Variants in SKP2 observed in about 807,000 individuals in gnomAD.
The protein encoded by SKP2 is S-phase kinase-associated protein 2.
SKP2 carries 16 observed loss-of-function variants against 51.8 expected under a neutral mutation model. The observed-to-expected ratio is 0.31, with a 90% CI of 0.21 to 0.47. SKP2 has a LOEUF of 0.47. SKP2 is among the 20% of genes least tolerant of loss of function. SKP2 has a pLI of 1.00. For synonymous variants in SKP2, 176 were observed against 198.6 expected, an observed-to-expected ratio of 0.89 and a Z score of 0.96; for missense variants, 377 against 505.3, an observed-to-expected ratio of 0.75 and a Z score of 2.43.
intron 1 of SKP2, 39 bp downstream of exon 1, chr5:36,152,309 CCCTCTTAATAATTCTTTTAGG>C: frequency 6.3e-7 from 1 of 1,592,746 alleles, no homozygotes; most frequent in Non-Finnish European, 8.6e-7. Flanking sequence ...ATGAAATGGA[CCCTCTTAATAATTCTTTTAGG>C]CCGCGAATAT....
rs1306380778 is a variant in SKP2, at chr5:36,193,385, A to C, written c.707+690A>C. 3 of 147,996 alleles carry C rather than the reference A, an allele frequency of 2.0e-5. No homozygotes were observed. The East Asian group carries it at 6.0e-4, about 30-fold the overall frequency. The allele number at this position is 147,996 out of a possible 1,614,324, so 9.2% of individuals were successfully genotyped here. On this transcript the variant is annotated intron_variant, in intron 7 of 7. Coordinates refer to the SKP2 transcript ENST00000677886. Reference sequence around the variant, plus strand: ...CAGCTACTTGGGAGGCTGAGGCAGGAGAATCGCTTGAACCTGGGAGATGGA... The same window carrying C: ...CAGCTACTTGGGAGGCTGAGGCAGGCGAATCGCTTGAACCTGGGAGATGGA...
At chr5:36,191,061 A>G (rs1168718361) in intron 6 of SKP2, among the ~76,000 whole-genome samples, 2 of 152,184 alleles carry the variant, frequency 1.3e-5, no homozygotes, top group African/African-American at 4.8e-5. Flanking sequence ...TATTTATTGA[A>G]GAAACTATGT....
At chr5:36,152,320 A>G (rs1421733273) in intron 1 of SKP2, 50 bp downstream of exon 1, 1 of 1,557,388 alleles carries the variant, frequency 6.4e-7, no homozygotes, top group Non-Finnish European at 8.9e-7. Flanking sequence ...CCTCTTAATA[A>G]TTCTTTTAGG....
At chr5:36,172,873 G>C (rs2111991301) in intron 7 of SKP2, among the ~76,000 whole-genome samples, 1 of 152,002 alleles carries the variant, frequency 6.6e-6, no homozygotes, top group South Asian at 2.1e-4. Flanking sequence ...TGTAAAAGCA[G>C]CAATCATGTC....
At position 36,184,051 on chromosome 5, in the gene SKP2, ATTCC is replaced by A; in HGVS notation, c.*2023_*2026del. 1 of 1,050,820 alleles carries A rather than the reference ATTCC, an allele frequency of 9.5e-7. No individual in the cohort carries two copies. Among genetic ancestry groups the A allele is most frequent in the Non-Finnish European group, 1.4e-6 (1 of 710,584 alleles). 65.1% of individuals were successfully genotyped at this position (1,050,820 alleles called of 1,614,324 possible). On this transcript the variant is annotated 3_prime_UTR_variant, in exon 10 of 10. Transcript: ENST00000274255. ...AAAATGAGTGCTTAAACTAAGTTGT[ATTCC>A]TTTTTTCTTTCTCTTTTTTTAAGTG...
chr5:36,162,771 CAT>C (rs1251190514), intron 2 of SKP2, among the ~76,000 whole-genome samples: 6 of 149,288 alleles, frequency 4.0e-5, no homozygotes, highest in Admixed American at 3.9e-4. Context: ...TTAATAAAGA[CAT>C]ACCCAAGACT....
intron 7 of SKP2, among the ~76,000 whole-genome samples, chr5:36,175,753 A>G (rs1172192197): frequency 2.0e-5 from 3 of 151,854 alleles, no homozygotes; most frequent in African/African-American, 4.8e-5. Flanking sequence ...TTTTAAATGT[A>G]TGAAATGTTA....
chr5:36,152,905 G>A lies in SKP2; in HGVS notation c.143G>A (p.Ser48Asn), dbSNP rs372760546. 2.2e-5 allele frequency: 36 copies of A among 1,614,012 alleles called. No individual in the cohort carries two copies. The highest frequency in any genetic ancestry group is 2.9e-5 in the Non-Finnish European group (34 of 1,180,042). ...GCCCTGGAGAAAGAGGAGCCCGACA[G>A]TGAGAACATCCCCCAGGAACTGCTC... ...VSALEKEEPD[S>N]ENIPQELLSN... is the part of the protein sequence containing the mutation. Residue 48 changes from serine to asparagine, a missense_variant, in exon 2 of 10, where the codon AGT (serine) becomes AAT (asparagine). Around this residue, in one of 2 missense-constraint regions of SKP2, gnomAD observed 115 missense variants for 115.5 expected, o/e 1.00. Coordinates refer to ENST00000274255, the MANE Select transcript of SKP2 (RefSeq NM_005983.4).
At chr5:36,167,892 A>G (rs1258956240) in intron 4 of SKP2, among the ~76,000 whole-genome samples, 1 of 152,152 alleles carries the variant, frequency 6.6e-6, no homozygotes, top group African/African-American at 2.4e-5. Context: ...TGTTGTGATT[A>G]CAGGCGTGAG....
intron 7 of SKP2, among the ~76,000 whole-genome samples, chr5:36,174,595 T>C (rs1015823808): frequency 3.3e-5 from 5 of 152,132 alleles, no homozygotes; most frequent in African/African-American, 7.2e-5. Context: ...GTCACTCTTA[T>C]GAAGATTACT....
chr5:36,168,224 G>T, intron 4 of SKP2, 89 bp from the exon 5 acceptor site: 5 of 1,232,404 alleles, frequency 4.1e-6, no homozygotes, highest in Non-Finnish European at 5.8e-6. Flanking sequence ...GTGATTGGCT[G>T]CTCATTTGGG....
Position 36,171,624 on chromosome 5 carries a change from C to T in SKP2, c.792C>T (p.Ser264=), listed in dbSNP as rs1457229739. 4 of 1,613,808 alleles carry T rather than the reference C, an allele frequency of 2.5e-6. 1 individual carries two copies. The Middle Eastern group carries it at 6.6e-4, about 266-fold the overall frequency. Residue 264 remains serine (S), a synonymous_variant, in exon 7 of 10, where the codon TCC becomes TCT. Transcript: ENST00000274255. The part of the protein sequence containing the change: ...SCSRLDELNL[S]WCFDFTEKHV... ...GCAGACTGGATGAGCTGAACCTCTCCTGGTGTTTTGATTTCACTGAAAAGC... is the reference window on the plus strand; with the variant it reads ...GCAGACTGGATGAGCTGAACCTCTCTTGGTGTTTTGATTTCACTGAAAAGC...
rs374461987 is a variant in SKP2 at position 36,179,853 on chromosome 5, T to C, written c.1062-1965T>C. ...TGCTCTTCAGTCTCTTCCATTGTAG[T>C]TTTTAAAAGATGCTTGCAAATTTTT... is the stretch of plus-strand genomic sequence containing the variant. On this transcript the variant is annotated intron_variant, in intron 9 of 9. Transcript: ENST00000274255. Among the ~76,000 whole-genome samples the C allele has an allele frequency of 3.0e-3, 464 of 152,152 alleles. 3 individuals carry two copies. Among genetic ancestry groups the C allele is most frequent in the African/African-American group, 0.011 (447 of 41,538 alleles).
chr5:36,154,034 T>A (rs1288196789), intron 2 of SKP2, among the ~76,000 whole-genome samples: 1 of 152,242 alleles, frequency 6.6e-6, no homozygotes, highest in East Asian at 1.9e-4. Flanking sequence ...CAAACATTTC[T>A]GCTCTCAGGG....
At chr5:36,152,620 T>G in intron 1 of SKP2, 151 bp from the exon 2 acceptor site, 1 of 770,620 alleles carries the variant, frequency 1.3e-6, no homozygotes, top group Non-Finnish European at 2.1e-6. Flanking sequence ...TTCGTTTTCT[T>G]GGTAACTCGC....
chr5:36,161,078 G>A (rs1430159187), intron 2 of SKP2, among the ~76,000 whole-genome samples: 2 of 151,976 alleles, frequency 1.3e-5, no homozygotes, highest in South Asian at 2.1e-4. Flanking sequence ...ACAGCACCCC[G>A]AATCCTACTG....
intron 2 of SKP2, among the ~76,000 whole-genome samples, chr5:36,161,049 C>T (rs913957522): frequency 1.1e-4 from 16 of 152,112 alleles, no homozygotes; most frequent in African/African-American, 1.4e-4. Flanking sequence ...CTAACCCCTG[C>T]GCCATTCCCA....
downstream of SKP2, among the ~76,000 whole-genome samples, chr5:36,186,974 G>T (rs560721993): frequency 6.6e-6 from 1 of 152,140 alleles, no homozygotes; most frequent in Non-Finnish European, 1.5e-5. Context: ...AGTCTTGGGA[G>T]GATGTATGTG....
chr5:36,158,965 G>T (rs1053963670), intron 2 of SKP2, among the ~76,000 whole-genome samples: 6 of 152,138 alleles, frequency 3.9e-5, no homozygotes, highest in Non-Finnish European at 5.9e-5. Flanking sequence ...GGTTAATAAG[G>T]GTTAGCCATT....
Sources: allele counts gnomAD v4.1 joint callset (sites outside exome capture counted in the v4.1 genomes callset), GRCh38; gene constraint gnomAD v4.1.1; regional missense constraint gnomAD v4.1.1; transcripts MANE v1.5; gene names NCBI Gene and HGNC (gene_info 2026-07-23, HGNC 2026-07-21).